IGF2BP3: variants seen among roughly 807,000 people sequenced by gnomAD.
IGF2BP3 encodes the protein insulin like growth factor 2 mRNA binding protein 3, also known as insulin-like growth factor 2 mRNA-binding protein 3.
In IGF2BP3, 9 loss-of-function variants were observed where a neutral mutation model predicts 73.8. That is an observed-to-expected ratio of 0.12 (90% CI 0.07 to 0.21). The LOEUF is 0.21. Among genes scored for constraint, IGF2BP3 ranks in the 10% least tolerant of loss-of-function variants. The pLI is 1.00. For missense variants in IGF2BP3, 542 were observed against 714.0 expected (o/e 0.76, Z 2.75); for synonymous variants, 258 against 256.7 (o/e 1.01, Z -0.05).
At chr7:23,324,110 G>C (rs1295203131) in intron 10 of IGF2BP3, among the ~76,000 whole-genome samples, 28 of 151,858 alleles carry the variant, frequency 1.8e-4, no homozygotes, top group African/African-American at 2.7e-4. Flanking sequence ...AAAAACCCTT[G>C]AAAAAATTAA....
chr7:23,380,351 G>A (rs1169105911), intron 3 of IGF2BP3, among the ~76,000 whole-genome samples: 1 of 151,748 alleles, frequency 6.6e-6, no homozygotes, highest in Admixed American at 6.6e-5. Flanking sequence ...TTTTAGTAGA[G>A]ACGGGGTTTC....
At chr7:23,455,228 G>A (rs146498973) in intron 2 of IGF2BP3, among the ~76,000 whole-genome samples, 4 of 152,246 alleles carry the variant, frequency 2.6e-5, no homozygotes, top group East Asian at 1.9e-4. Context: ...CATCACGCAC[G>A]CAGGCTGCTC....
intron 3 of IGF2BP3, among the ~76,000 whole-genome samples, chr7:23,381,740 T>C (rs907034963): frequency 1.3e-4 from 20 of 152,082 alleles, no homozygotes; most frequent in Non-Finnish European, 4.4e-5. Flanking sequence ...AGCTAATTTT[T>C]GTATTTTTAG....
At chr7:23,378,236 T>C (rs1158561661) in intron 3 of IGF2BP3, among the ~76,000 whole-genome samples, 4 of 152,134 alleles carry the variant, frequency 2.6e-5, no homozygotes, top group East Asian at 1.9e-4. Flanking sequence ...AATGTTGCCA[T>C]TGGGAGAAAG....
Position 23,469,612 on chromosome 7 carries a change from T to G in IGF2BP3, c.175+324A>C, listed in dbSNP as rs1203197998. On this transcript the variant is annotated intron_variant, in intron 1 of 14. Transcript: ENST00000258729. This position sits in a 1 kb window ranked among gnomAD's most constrained non-coding sequence, Gnocchi z 6.1. ...CCCCGAGGCCCAGCGTGCCGGGGCC[T>G]GGAGCACGCGCCTGGGCCCGGGCGG... 6.2e-6 allele frequency: 1 copy of G among 161,538 alleles called. No individual in the cohort carries two copies. The highest frequency in any genetic ancestry group is 6.4e-5 in the Admixed American group (1 of 15,506). 10.0% of individuals were successfully genotyped at this position (161,538 alleles called of 1,614,324 possible). A position where few individuals can be genotyped will look rare whatever the true frequency, so the allele number is the denominator to read the frequency against.
chr7:23,413,034 A>G (rs1787078250), intron 3 of IGF2BP3, among the ~76,000 whole-genome samples: 1 of 149,788 alleles, frequency 6.7e-6, no homozygotes. Context: ...TAATTTCTGT[A>G]TTTTTAGTTA....
chr7:23,466,950 T>C (rs1259902273), intron 2 of IGF2BP3, among the ~76,000 whole-genome samples: 3 of 152,228 alleles, frequency 2.0e-5, no homozygotes, highest in Non-Finnish European at 4.4e-5. Flanking sequence ...TGACCAAACA[T>C]AATAACAATT....
chr7:23,314,282 A>T (rs575686490), intron 12 of IGF2BP3, among the ~76,000 whole-genome samples: 1 of 151,798 alleles, frequency 6.6e-6, no homozygotes, highest in Admixed American at 6.6e-5. Context: ...TCCCAGGTTC[A>T]AGTGATTCTC....
intron 12 of IGF2BP3, among the ~76,000 whole-genome samples, chr7:23,315,736 A>G (rs1415363324): frequency 1.3e-5 from 2 of 152,198 alleles, no homozygotes; most frequent in East Asian, 3.8e-4. Context: ...AGGGATATAC[A>G]CTATCCTCCA....
At chr7:23,444,230 CTGAA>C (rs2128546133) in intron 2 of IGF2BP3, among the ~76,000 whole-genome samples, 1 of 152,058 alleles carries the variant, frequency 6.6e-6, no homozygotes, top group Admixed American at 6.6e-5. Context: ...CTGGAGTTTC[CTGAA>C]TATCAGAAAA....
Position 23,319,177 on chromosome 7 carries a change from G to GT in IGF2BP3, c.1280dup (p.His427GlnfsTer14). The GT allele has an allele frequency of 6.2e-7, 1 of 1,613,900 alleles. No individual in the cohort carries two copies. The highest frequency in any genetic ancestry group is 1.3e-5 in the African/African-American group (1 of 75,044). On this transcript the variant is annotated frameshift_variant, in exon 11 of 15. Transcript: ENST00000258729. LOFTEE classifies it high-confidence loss of function. Reference sequence around the variant, plus strand: ...CAGCAAAGCGAGAAAGCTGCTTGATGTGCTGGCCCTGCTTGCCGATGATGG... The same window carrying GT: ...CAGCAAAGCGAGAAAGCTGCTTGATGTTGCTGGCCCTGCTTGCCGATGATGG...
intron 2 of IGF2BP3, among the ~76,000 whole-genome samples, chr7:23,460,367 A>C (rs925196645): frequency 6.6e-6 from 1 of 151,742 alleles, no homozygotes; most frequent in African/African-American, 2.4e-5. Flanking sequence ...GTCTCTACTA[A>C]ATATACAAAA....
At chr7:23,439,831 G>A (rs1787891168) in intron 2 of IGF2BP3, among the ~76,000 whole-genome samples, 1 of 152,120 alleles carries the variant, frequency 6.6e-6, no homozygotes, top group Non-Finnish European at 1.5e-5. Context: ...AGAAACAAAT[G>A]GCTCTCACCT....
chr7:23,346,984 A>C (rs1446581071), intron 7 of IGF2BP3, among the ~76,000 whole-genome samples: 1 of 152,162 alleles, frequency 6.6e-6, no homozygotes, highest in African/African-American at 2.4e-5. Flanking sequence ...TATTACTAAA[A>C]CATATTTAAA....
At chr7:23,422,327 A>G (rs920055463) in intron 2 of IGF2BP3, among the ~76,000 whole-genome samples, 4 of 152,194 alleles carry the variant, frequency 2.6e-5, no homozygotes, top group African/African-American at 9.7e-5. Flanking sequence ...TAATCCAGGC[A>G]ATACACAGTG....
intron 10 of IGF2BP3, among the ~76,000 whole-genome samples, chr7:23,322,519 T>C (rs946510740): frequency 1.3e-5 from 2 of 152,172 alleles, no homozygotes; most frequent in African/African-American, 4.8e-5. Flanking sequence ...GCAGGAGAAC[T>C]TCCCCAATCT....
chr7:23,458,288 T>C (rs1182009125), intron 2 of IGF2BP3, among the ~76,000 whole-genome samples: 2 of 152,104 alleles, frequency 1.3e-5, no homozygotes, highest in Non-Finnish European at 2.9e-5. Context: ...CTAGACCTCA[T>C]ATCCCACATC....
intron 3 of IGF2BP3, among the ~76,000 whole-genome samples, chr7:23,376,027 G>A (rs1785706396): frequency 6.6e-6 from 1 of 152,132 alleles, no homozygotes. Context: ...CCATCAATAG[G>A]TGCAGTTAAG....
chr7:23,390,759 A>C (rs1475690074), intron 3 of IGF2BP3, among the ~76,000 whole-genome samples: 1 of 151,926 alleles, frequency 6.6e-6, no homozygotes, highest in Non-Finnish European at 1.5e-5. Context: ...AGACAGCTAA[A>C]AACTTTACAG....
Sources: allele counts gnomAD v4.1 joint callset (sites outside exome capture counted in the v4.1 genomes callset), GRCh38; gene constraint gnomAD v4.1.1; non-coding constraint Gnocchi (gnomAD v3.1); transcripts MANE v1.5; gene names NCBI Gene and HGNC (gene_info 2026-07-23, HGNC 2026-07-21).